ANO5: variants seen among roughly 807,000 people sequenced by gnomAD.
ANO5 encodes the protein anoctamin 5.
Under a neutral mutation model 121.0 loss-of-function variants are expected in ANO5, and 109 were observed. The ratio of observed to expected loss-of-function variants is 0.90; its 90% CI spans 0.77 to 1.06. The LOEUF is 1.06. ANO5 is among the 50% of genes least tolerant of loss of function. The pLI, the probability that ANO5 is intolerant of heterozygous loss-of-function variation, is 0.00. For missense variants in ANO5, 1,064 were observed against 1,078.5 expected, an observed-to-expected ratio of 0.99 and a Z score of 0.19; for synonymous variants, 406 against 359.9, an observed-to-expected ratio of 1.13 and a Z score of -1.45.
Position 22,274,662 on chromosome 11 carries a change from G to A in ANO5, c.2329G>A (p.Val777Met). The A allele has an allele frequency of 1.2e-6, 2 of 1,613,300 alleles. No individual in the cohort carries two copies. The highest frequency in any genetic ancestry group is 1.7e-6 in the Non-Finnish European group (2 of 1,179,498). Residue 777 changes from valine (V) to methionine (M), a missense_variant, in exon 20 of 22, where the codon GTG becomes ATG. Val to Met is a conservative substitution (Grantham distance 21, BLOSUM62 1). Transcript: ENST00000324559. Reference protein sequence around the residue: ...TNATQPMTGYVNNSLSVFLIA... With the variant: ...TNATQPMTGYMNNSLSVFLIA... The stretch of plus-strand genomic sequence containing the variant: ...TGCCACACAGCCTATGACAGGATAT[G>A]TGAATAATAGCCTGTCAGTATTCCT...
intron 5 of ANO5, among the ~76,000 whole-genome samples, chr11:22,224,261 A>G (rs1416586356): frequency 6.6e-6 from 1 of 151,980 alleles, no homozygotes; most frequent in Non-Finnish European, 1.5e-5. Context: ...TTTTATATAC[A>G]TTAATCATAC....
At chr11:22,200,861 A>C (rs1363246801) in intron 1 of ANO5, among the ~76,000 whole-genome samples, 1 of 152,156 alleles carries the variant, frequency 6.6e-6, no homozygotes, top group Non-Finnish European at 1.5e-5. Context: ...TTGAATTATC[A>C]CCTAGAAGGA....
intron 1 of ANO5, among the ~76,000 whole-genome samples, chr11:22,197,686 C>T (rs1851853995): frequency 6.6e-6 from 1 of 152,112 alleles, no homozygotes. Context: ...TATTTTTGGG[C>T]TGTGGATTTG....
chr11:22,247,220 CAA>C (rs2133693357), intron 9 of ANO5, among the ~76,000 whole-genome samples: 1 of 152,004 alleles, frequency 6.6e-6, no homozygotes, highest in Admixed American at 6.6e-5. Flanking sequence ...AGAGAACACA[CAA>C]GAGCATTGTG....
intron 1 of ANO5, among the ~76,000 whole-genome samples, chr11:22,199,680 T>A (rs1177111017): frequency 2.0e-5 from 3 of 152,150 alleles, no homozygotes; most frequent in Non-Finnish European, 4.4e-5. Flanking sequence ...AAAAAAAATC[T>A]CTTTGATCTC....
At chr11:22,235,000 A>G (rs947031704) in intron 7 of ANO5, among the ~76,000 whole-genome samples, 18 of 152,030 alleles carry the variant, frequency 1.2e-4, no homozygotes, top group African/African-American at 3.9e-4. Flanking sequence ...ATAATCCCTG[A>G]CACTTGCTTA....
chr11:22,236,272 A>G lies in ANO5; in HGVS notation c.758A>G (p.His253Arg). The G allele has an allele frequency of 6.2e-7, 1 of 1,603,354 alleles. No individual in the cohort carries two copies. The change falls in exon 8 of 22, where the codon CAT becomes CGT. Residue 253 changes from histidine to arginine, a missense_variant. His to Arg is a conservative substitution (Grantham distance 29, BLOSUM62 0). Coordinates refer to ENST00000324559, the MANE Select transcript of ANO5 (RefSeq NM_213599.3). ...SNTYSSAYPLHDGQYWKPSEP... is the reference protein window; with the variant it reads ...SNTYSSAYPLRDGQYWKPSEP... ...ACTTACTCATCTGCCTATCCACTCC[A>G]TGATGTATGTATAGGTTTGATTGTG...
intron 5 of ANO5, among the ~76,000 whole-genome samples, chr11:22,224,348 C>A (rs1404451969): frequency 6.6e-6 from 1 of 151,986 alleles, no homozygotes; most frequent in Non-Finnish European, 1.5e-5. Flanking sequence ...GTATCTCATA[C>A]CTTCAATAAG....
At chr11:22,260,633 T>A (rs1211492787) in intron 15 of ANO5, among the ~76,000 whole-genome samples, 1 of 152,028 alleles carries the variant, frequency 6.6e-6, no homozygotes, top group Non-Finnish European at 1.5e-5. Flanking sequence ...TTTTCCTCAA[T>A]GGGAAAAAAA....
intron 18 of ANO5, among the ~76,000 whole-genome samples, chr11:22,272,579 G>A (rs1026898694): frequency 3.9e-5 from 6 of 152,112 alleles, no homozygotes; most frequent in African/African-American, 1.2e-4. Flanking sequence ...AGCCATGCAT[G>A]CCCAGTTTCT....
Position 22,239,570 on chromosome 11 carries a change from G to A in ANO5, c.764G>A (p.Gly255Asp), listed in dbSNP as rs1853354749. 1 of 1,605,956 alleles carries A rather than the reference G, an allele frequency of 6.2e-7. No individual in the cohort carries two copies. The highest frequency in any genetic ancestry group is 8.5e-7 in the Non-Finnish European group (1 of 1,172,988). ...TACCCTCCTCTTGAATATCTGCAGG[G>A]CCAATATTGGAAGCCATCAGAACCT... ...TYSSAYPLHD[G>D]QYWKPSEPPN... The change falls in exon 9 of 22, where the codon GGC becomes GAC. Residue 255 changes from glycine (G) to aspartate (D), a missense_variant and splice_region_variant. Coordinates refer to ENST00000324559, the MANE Select transcript of ANO5 (RefSeq NM_213599.3).
intron 9 of ANO5, among the ~76,000 whole-genome samples, chr11:22,246,626 C>T (rs1853626198): frequency 6.6e-6 from 1 of 151,904 alleles, no homozygotes; most frequent in Non-Finnish European, 1.5e-5. Context: ...CACTTTAGGT[C>T]AGGAGTTTGA....
Position 22,272,924 on chromosome 11 carries a change from G to C in ANO5, c.2170G>C (p.Ala724Pro), listed in dbSNP as rs1419086010. Residue 724 changes from alanine (A) to proline (P), a missense_variant, in exon 19 of 22, where the codon GCT becomes CCT. Coordinates refer to ENST00000324559, the MANE Select transcript of ANO5 (RefSeq NM_213599.3). ...TQYRRTVASK[A>P]HSIGVWQDIL... Reference sequence around the variant, plus strand: ...ATACAGGAGAACTGTAGCTTCTAAAGCTCATAGCATAGGTGTTTGGCAAGA... The same window carrying C: ...ATACAGGAGAACTGTAGCTTCTAAACCTCATAGCATAGGTGTTTGGCAAGA... 3.7e-6 allele frequency: 6 copies of C among 1,613,924 alleles called. No homozygotes were observed. The highest frequency in any genetic ancestry group is 5.1e-6 in the Non-Finnish European group (6 of 1,180,010).
intron 17 of ANO5, among the ~76,000 whole-genome samples, chr11:22,269,360 A>G (rs1429366507): frequency 7.2e-6 from 1 of 138,362 alleles, no homozygotes; most frequent in Non-Finnish European, 1.5e-5. Flanking sequence ...GGAAGGGAAG[A>G]GAAGGGAAAG....
At chr11:22,257,577 G>T in intron 13 of ANO5, 103 bp from the exon 14 acceptor site, 1 of 937,600 alleles carries the variant, frequency 1.1e-6, no homozygotes, top group Non-Finnish European at 1.7e-6. Context: ...GGCCCTTTTG[G>T]GAGACTCCTA....
intron 7 of ANO5, among the ~76,000 whole-genome samples, chr11:22,232,864 A>G (rs890291806): frequency 2.6e-5 from 4 of 152,052 alleles, no homozygotes; most frequent in Admixed American, 2.0e-4. Flanking sequence ...TTGTGTCAGT[A>G]CTTAGAATGT....
chr11:22,270,024 C>T lies in ANO5; in HGVS notation c.1899-288C>T, dbSNP rs80267696. Among the ~76,000 whole-genome samples the T allele has an allele frequency of 0.016, 2,500 of 152,242 alleles. 66 individuals carry two copies. The highest frequency in any genetic ancestry group is 0.057 in the African/African-American group (2,359 of 41,506). On this transcript the variant is annotated intron_variant, in intron 17 of 21. Transcript: ENST00000324559. ...TGGTCTTAGTGGTAACTCTCTCCTC[C>T]ACTTATTCCTTAGCCAAACTGTCTC...
In ANO5 at chr11:22,242,224, T is replaced by C. The variant is rs7123577; in HGVS notation, c.878+2540T>C. Among the ~76,000 whole-genome samples the C allele has an allele frequency of 9.4e-3, 1,437 of 152,272 alleles. 22 individuals carry two copies. The highest frequency in any genetic ancestry group is 0.033 in the African/African-American group (1,379 of 41,550). On this transcript the variant is annotated intron_variant, in intron 9 of 21. Coordinates refer to ENST00000324559, the MANE Select transcript of ANO5 (RefSeq NM_213599.3). Reference sequence around the variant, plus strand: ...GGTGTGCAGCTTCATTTCTGCTTTCTCTGTTTAGTTCCATTGGTCTATGTG... The same window carrying C: ...GGTGTGCAGCTTCATTTCTGCTTTCCCTGTTTAGTTCCATTGGTCTATGTG...
rs1250438143 is a variant in ANO5 at position 22,227,586 on chromosome 11, T to G, written c.648T>G (p.Ile216Met). The G allele has an allele frequency of 6.2e-7, 1 of 1,613,264 alleles. No individual in the cohort carries two copies. Among genetic ancestry groups the G allele is most frequent in the Admixed American group, 1.7e-5 (1 of 59,860 alleles). The stretch of plus-strand genomic sequence containing the variant: ...TTCCATCCTCATCAAGAAACAGAAT[T>G]GTAGGTAGAGAAGACCTTTGGGCAC... Reference protein sequence around the residue: ...TFFPSSSRNRIVYYILSRCPF... With the variant: ...TFFPSSSRNRMVYYILSRCPF... Residue 216 changes from isoleucine (I) to methionine (M), a missense_variant and splice_region_variant, in exon 7 of 22, where the codon ATT (isoleucine) becomes ATG (methionine). Ile to Met is a conservative substitution (Grantham distance 10). Coordinates refer to ENST00000324559, the MANE Select transcript of ANO5 (RefSeq NM_213599.3).
Sources: allele counts gnomAD v4.1 joint callset (sites outside exome capture counted in the v4.1 genomes callset), GRCh38; gene constraint gnomAD v4.1.1; transcripts MANE v1.5; gene names NCBI Gene and HGNC (gene_info 2026-07-23, HGNC 2026-07-21).